Variants in THUMPD2 observed in about 807,000 individuals in gnomAD.
The protein encoded by THUMPD2 is U6 snRNA (guanine-N(2))-methyltransferase THUMPD2.
In THUMPD2, 56 loss-of-function variants were observed where a neutral mutation model predicts 49.4. The observed-to-expected ratio is 1.13, with a 90% CI of 0.91 to 1.41. The LOEUF is 1.41. Ranked by LOEUF, THUMPD2 falls within the 40% of genes most tolerant of loss-of-function variation. The pLI, the probability that THUMPD2 is intolerant of heterozygous loss-of-function variation, is 0.00. For synonymous variants in THUMPD2, 237 were observed against 205.2 expected (o/e 1.15, Z -1.32); for missense variants, 709 against 594.5 (o/e 1.19, Z -2.00).
intron 5 of THUMPD2, among the ~76,000 whole-genome samples, 187 bp downstream of exon 5, chr2:39,765,870 T>C (rs1466716662): frequency 6.6e-6 from 1 of 152,246 alleles, no homozygotes; most frequent in East Asian, 1.9e-4. Flanking sequence ...CAGCTCTAAC[T>C]GGTCAGTTCA....
chr2:39,754,459 C>A (rs1199391594), intron 8 of THUMPD2, among the ~76,000 whole-genome samples: 1 of 152,168 alleles, frequency 6.6e-6, no homozygotes, highest in Non-Finnish European at 1.5e-5. Context: ...TACTTTTCCA[C>A]TACAATAAAA....
intron 2 of THUMPD2, among the ~76,000 whole-genome samples, chr2:39,770,753 T>C (rs748539182): frequency 6.6e-6 from 1 of 152,242 alleles, no homozygotes; most frequent in African/African-American, 2.4e-5. Flanking sequence ...AGGAATTATA[T>C]TGATCCCACA....
intron 5 of THUMPD2, among the ~76,000 whole-genome samples, chr2:39,764,556 T>C (rs1677251694): frequency 6.6e-6 from 1 of 152,212 alleles, no homozygotes; most frequent in Non-Finnish European, 1.5e-5. Context: ...GAACAATGTC[T>C]TTAGGAACTT....
chr2:39,777,630 T>C (rs983764260), intron 1 of THUMPD2, among the ~76,000 whole-genome samples: 2 of 152,230 alleles, frequency 1.3e-5, no homozygotes, highest in Admixed American at 6.5e-5. Context: ...GTTCACTTTG[T>C]ATCAGAGCAA....
chr2:39,759,740 GACAATGGAACAGCATCT>G lies in THUMPD2; in HGVS notation c.891+1574_891+1590del, dbSNP rs1312814980. 3.9e-5 allele frequency among the ~76,000 whole-genome samples: 6 copies of G among 152,316 alleles called. 2 individuals carry two copies. The highest frequency in any genetic ancestry group is 6.5e-5 in the Admixed American group (1 of 15,292). On this transcript the variant is annotated intron_variant, in intron 6 of 9. Coordinates refer to ENST00000505747, the MANE Select transcript of THUMPD2 (RefSeq NM_025264.5). ...TCATCTGTGTCACCGGAAGCTAAAT[GACAATGGAACAGCATCT>G]ACAGACCTCTGAGAGAAAAGAACTG...
chr2:39,752,606 C>T (rs909670728), intron 8 of THUMPD2, among the ~76,000 whole-genome samples: 1 of 152,138 alleles, frequency 6.6e-6, no homozygotes, highest in Non-Finnish European at 1.5e-5. Flanking sequence ...CATATAGTTC[C>T]TCCTAGACTG....
chr2:39,774,222 C>T (rs1037330180), intron 1 of THUMPD2, among the ~76,000 whole-genome samples: 1 of 152,250 alleles, frequency 6.6e-6, no homozygotes, highest in African/African-American at 2.4e-5. Flanking sequence ...AATAACTTAA[C>T]TGGAACAGTT....
intron 3 of THUMPD2, chr2:39,768,983 C>A (rs1352824687): frequency 6.9e-6 from 9 of 1,304,460 alleles, no homozygotes; most frequent in Admixed American, 2.3e-5. Flanking sequence ...TAAGGGCCAA[C>A]TGATGAGGTC....
chr2:39,775,744 CAG>C (rs1021887609), intron 1 of THUMPD2, among the ~76,000 whole-genome samples: 17 of 107,548 alleles, frequency 1.6e-4, no homozygotes, highest in Middle Eastern at 0.022. Flanking sequence ...GCCTGGGCGA[CAG>C]AGTAACACTA....
intron 8 of THUMPD2, among the ~76,000 whole-genome samples, chr2:39,748,970 A>C (rs1307364077): frequency 6.6e-6 from 1 of 151,890 alleles, no homozygotes. Context: ...TGGGTGACAG[A>C]GCAAGTCTCT....
At chr2:39,761,229 A>G (rs1676782732) in intron 6 of THUMPD2, 102 bp downstream of exon 6, 10 of 1,052,634 alleles carry the variant, frequency 9.5e-6, no homozygotes, top group Non-Finnish European at 1.4e-5. Context: ...AAGCGTCAAG[A>G]AAAGAAAAAG....
rs1220100387 is a variant in THUMPD2, at chr2:39,736,927, C to G, written c.1320G>C (p.Lys440Asn). 3 of 1,614,134 alleles carry G rather than the reference C, an allele frequency of 1.9e-6. No individual in the cohort carries two copies. In the South Asian group the frequency reaches 3.3e-5, roughly 18 times the overall value. The change falls in exon 10 of 10, where the codon AAG (lysine) becomes AAC (asparagine). Residue 440 changes from lysine (K) to asparagine (N), a missense_variant. Coordinates refer to ENST00000505747, the MANE Select transcript of THUMPD2 (RefSeq NM_025264.5). ...DSHTDEPGIK[K>N]CLNPEEKTGA... ...CAGTTTTTTCTTCAGGATTCAAGCA[C>G]TTTTTAATTCCAGGTTCATCTGTGT...
Position 39,739,042 on chromosome 2 carries a change from G to A in THUMPD2, c.1188-1983C>T, listed in dbSNP as rs138402692. Among the ~76,000 whole-genome samples, 33 of 152,264 alleles carry A rather than the reference G, an allele frequency of 2.2e-4. No individual in the cohort carries two copies. In the East Asian group the frequency reaches 3.1e-3, roughly 14 times the overall value. On this transcript the variant is annotated intron_variant, in intron 9 of 9. Coordinates refer to ENST00000505747, the MANE Select transcript of THUMPD2 (RefSeq NM_025264.5). ...TGTCTCTAAATTGTATCACATATTT[G>A]TCTACTTCATTCATAGTTTGCCTGG...
chr2:39,755,320 A>G lies in THUMPD2; in HGVS notation c.1053T>C (p.Ile351=). 1 of 1,544,906 alleles carries G rather than the reference A, an allele frequency of 6.5e-7. No individual in the cohort carries two copies. Among genetic ancestry groups the G allele is most frequent in the East Asian group, 2.5e-5 (1 of 40,244 alleles). Residue 351 remains isoleucine, a synonymous_variant, in exon 8 of 10, where the codon ATT becomes ATC. Coordinates refer to ENST00000505747, the MANE Select transcript of THUMPD2 (RefSeq NM_025264.5). ...CTATAACAGAGATTTTAAGTAATTC[A>G]ATTTTATCCTCAAGGCCTGCAGCTT... is the stretch of plus-strand genomic sequence containing the variant. The part of the protein sequence containing the change: ...NLKAAGLEDK[I]ELLKISVIEL...
intron 3 of THUMPD2, chr2:39,769,005 A>C (rs772094259): frequency 3.8e-6 from 5 of 1,304,678 alleles, no homozygotes; most frequent in South Asian, 1.2e-5. Context: ...GGTGATGGCA[A>C]CAGTTTGTGG....
intron 8 of THUMPD2, among the ~76,000 whole-genome samples, chr2:39,752,445 T>C (rs113655962): frequency 0.027 from 4,074 of 152,276 alleles, 176 homozygotes; most frequent in African/African-American, 0.092. Context: ...TTCACATATC[T>C]CAACACTCTA....
intron 2 of THUMPD2, 47 bp downstream of exon 2, chr2:39,771,458 C>T (rs376772757): frequency 3.2e-6 from 5 of 1,542,472 alleles, no homozygotes; most frequent in Non-Finnish European, 4.3e-6. Flanking sequence ...TGTTGGAGTA[C>T]AATGTATCAT....
At chr2:39,768,182 T>C (rs1677811276) in intron 4 of THUMPD2, among the ~76,000 whole-genome samples, 1 of 152,214 alleles carries the variant, frequency 6.6e-6, no homozygotes, top group African/African-American at 2.4e-5. Context: ...TCTTCAACTG[T>C]GACCAGACAA....
chr2:39,769,737 T>C lies in THUMPD2; in HGVS notation c.645A>G (p.Gly215=). Residue 215 remains glycine, a synonymous_variant, in exon 3 of 10, where the codon GGA becomes GGG. Transcript: ENST00000505747. ...GTGCAGTGAAGGCCTTTCCAATAGT[T>C]CCACTGCAGCGACAAGATACTCTGA... The part of the protein sequence containing the change: ...LTFRVSCRCS[G]TIGKAFTAQE... 1 of 1,578,278 alleles carries C rather than the reference T, an allele frequency of 6.3e-7. No individual in the cohort carries two copies. The highest frequency in any genetic ancestry group is 8.6e-7 in the Non-Finnish European group (1 of 1,168,152).
Sources: allele counts gnomAD v4.1 joint callset (sites outside exome capture counted in the v4.1 genomes callset), GRCh38; gene constraint gnomAD v4.1.1; transcripts MANE v1.5; gene names NCBI Gene and HGNC (gene_info 2026-07-23, HGNC 2026-07-21).